The following DEPDC4 variants were observed in gnomAD, a reference collection of about 807,000 sequenced individuals.
The protein encoded by DEPDC4 is DEP domain containing 4.
DEPDC4 carries 52 observed loss-of-function variants against 52.0 expected under a neutral mutation model. That is an observed-to-expected ratio of 1.00 (90% confidence interval 0.80 to 1.26). The LOEUF is 1.26. Among genes scored for constraint, DEPDC4 ranks in the 50% most tolerant of loss-of-function variants. The pLI, the probability that DEPDC4 is intolerant of heterozygous loss-of-function variation, is 0.00. For missense variants in DEPDC4, 530 were observed against 546.9 expected (o/e 0.97, Z 0.31); for synonymous variants, 201 against 196.8 (o/e 1.02, Z -0.18).
Position 100,263,625 on chromosome 12 carries a change from GA to G in DEPDC4, c.425del (p.Phe142SerfsTer7), listed in dbSNP as rs1331286269. The G allele has an allele frequency of 4.3e-6, 7 of 1,612,602 alleles. No individual in the cohort carries two copies. The highest frequency in any genetic ancestry group is 5.9e-6 in the Non-Finnish European group (7 of 1,179,620). The stretch of plus-strand genomic sequence containing the variant: ...CAAATTCTAATTCCTTTTCTTTTTT[GA>G]AAAGCTTCTTCATTCCTACTGGTTC... ...VFEPVGMKKL[F>X]KKEKELEFED... On this transcript the variant is annotated frameshift_variant, in exon 2 of 10. Coordinates refer to ENST00000550587, the MANE Select transcript of DEPDC4 (RefSeq NM_001364818.2). LOFTEE classifies it high-confidence loss of function.
upstream of DEPDC4, among the ~76,000 whole-genome samples, chr12:100,271,278 A>AG: frequency 6.6e-6 from 1 of 151,044 alleles, no homozygotes; most frequent in Non-Finnish European, 1.5e-5. Flanking sequence ...AAAAAAAAAA[A>AG]AAAAGAGAGA....
chr12:100,252,573 T>A (rs1295354992), intron 5 of DEPDC4, 37 bp from the exon 6 acceptor site: 3 of 1,552,606 alleles, frequency 1.9e-6, no homozygotes, highest in African/African-American at 2.8e-5. Flanking sequence ...AAGCATAAGA[T>A]GAAAAATGGA....
chr12:100,252,917 T>C (rs1427985488), intron 5 of DEPDC4, among the ~76,000 whole-genome samples: 3 of 152,222 alleles, frequency 2.0e-5, no homozygotes, highest in Admixed American at 6.5e-5. Flanking sequence ...CTATAACATA[T>C]GTTTCTTTCT....
chr12:100,263,407 G>T, intron 2 of DEPDC4, 90 bp downstream of exon 2: 2 of 1,119,206 alleles, frequency 1.8e-6, no homozygotes, highest in Non-Finnish European at 2.4e-6. Context: ...ATTGGCTTCT[G>T]AAAAAAGTAC....
chr12:100,238,251 T>A, downstream of DEPDC4: 1 of 155,700 alleles, frequency 6.4e-6, no homozygotes, highest in Non-Finnish European at 1.4e-5. Context: ...CTCGGCAACA[T>A]CTGCCTCCCG....
At chr12:100,260,961 A>T (rs891107585) in intron 3 of DEPDC4, among the ~76,000 whole-genome samples, 21 of 152,240 alleles carry the variant, frequency 1.4e-4, no homozygotes, top group African/African-American at 4.8e-4. Context: ...TGGGTGGATC[A>T]CTTGAGGTCA....
At chr12:100,254,774 T>C (rs1592891094) in intron 4 of DEPDC4, among the ~76,000 whole-genome samples, 1 of 152,126 alleles carries the variant, frequency 6.6e-6, no homozygotes, top group Admixed American at 6.6e-5. Flanking sequence ...CTAGCTAGAG[T>C]GCAGTGACAT....
intron 7 of DEPDC4, among the ~76,000 whole-genome samples, 170 bp from the exon 8 acceptor site, chr12:100,249,148 A>C (rs199748154): frequency 6.6e-6 from 1 of 152,098 alleles, no homozygotes; most frequent in Non-Finnish European, 1.5e-5. Flanking sequence ...AATTCTTGAA[A>C]TTTTTTTAGC....
At chr12:100,270,623 C>CT (rs559329533), upstream of DEPDC4, among the ~76,000 whole-genome samples, 8,221 of 125,642 alleles carry the variant, frequency 0.065, 482 homozygotes, top group African/African-American at 0.18. Context: ...ATGTTGCTTT[C>CT]TTTTTTTTTT....
rs2096159463 is a variant in DEPDC4, at chr12:100,241,714, A to C, written c.*178T>G. The stretch of plus-strand genomic sequence containing the variant: ...TGGTGTTTTTGAAATTCCTTAATTA[A>C]TTTCTTTTTTCGTTTCAGAGAGATG... On this transcript the variant is annotated 3_prime_UTR_variant, in exon 10 of 10. Transcript: ENST00000550587. 7.9e-7 allele frequency: 1 copy of C among 1,261,898 alleles called. No homozygotes were observed. The highest frequency in any genetic ancestry group is 1.0e-6 in the Non-Finnish European group (1 of 977,188). The allele number at this position is 1,261,898 out of a possible 1,614,324, so 78.2% of individuals were successfully genotyped here.
At position 100,266,996 on chromosome 12, in the gene DEPDC4, G is replaced by A. The variant is rs116165919; in HGVS notation, c.81C>T (p.Asn27=). 2,546 of 1,614,082 alleles carry A rather than the reference G, an allele frequency of 1.6e-3. 41 individuals carry two copies. In the African/African-American group the frequency reaches 0.029, roughly 18 times the overall value. ...TPRFRRLVSQ[N]ELPGPGLNGP... ...CGTTCAGCCCTGGGCCCGGAAGCTCGTTCTGACTGACAAGTCTACGGAACC... is the reference window on the plus strand; with the variant it reads ...CGTTCAGCCCTGGGCCCGGAAGCTCATTCTGACTGACAAGTCTACGGAACC... The change falls in exon 1 of 10, where the codon AAC becomes AAT. Residue 27 remains asparagine, a synonymous_variant. Transcript: ENST00000550587.
At chr12:100,272,278 C>T in the DEPDC4 span, among the ~76,000 whole-genome samples, 1 of 151,928 alleles carries the variant, frequency 6.6e-6, no homozygotes, top group East Asian at 1.9e-4. Context: ...CTTTTTTCTT[C>T]ATTAATCAAA....
the DEPDC4 span, among the ~76,000 whole-genome samples, chr12:100,281,455 C>T: frequency 6.6e-6 from 1 of 152,036 alleles, no homozygotes; most frequent in Admixed American, 6.6e-5. Context: ...CTTTGGGAGA[C>T]CAAGATGGGA....
chr12:100,252,812 T>C (rs901116858), intron 5 of DEPDC4, among the ~76,000 whole-genome samples: 2 of 152,204 alleles, frequency 1.3e-5, no homozygotes, highest in Non-Finnish European at 2.9e-5. Context: ...AAAAATGACA[T>C]ATTATGTCAC....
chr12:100,264,725 A>G (rs2096265625), intron 1 of DEPDC4, among the ~76,000 whole-genome samples: 1 of 152,046 alleles, frequency 6.6e-6, no homozygotes, highest in Non-Finnish European at 1.5e-5. Context: ...TCACATACCC[A>G]CTTGAGCTGA....
At chr12:100,269,226 C>T (rs1247344047), upstream of DEPDC4, among the ~76,000 whole-genome samples, 4 of 152,140 alleles carry the variant, frequency 2.6e-5, no homozygotes, top group Admixed American at 2.0e-4. Flanking sequence ...TGCTTTCTGA[C>T]ATTCCCTTTC....
upstream of DEPDC4, among the ~76,000 whole-genome samples, chr12:100,271,577 T>C (rs2096287760): frequency 1.3e-5 from 2 of 152,228 alleles, no homozygotes; most frequent in South Asian, 4.1e-4. Context: ...TTTCTTTGTT[T>C]TATATTGTTG....
At chr12:100,254,319 CTTTTTTTT>C (rs67921438) in intron 4 of DEPDC4, among the ~76,000 whole-genome samples, 1 of 89,438 alleles carries the variant, frequency 1.1e-5, no homozygotes, top group African/African-American at 5.2e-5. Context: ...TTTTTTTTGA[CTTTTTTTT>C]TTTTTTTTTT....
At chr12:100,269,939 C>A (rs1488277537), upstream of DEPDC4, among the ~76,000 whole-genome samples, 1 of 151,210 alleles carries the variant, frequency 6.6e-6, no homozygotes, top group Non-Finnish European at 1.5e-5. Flanking sequence ...TTAGACAGTA[C>A]TTGTGTTTTA....
Sources: gnomAD v4.1 joint callset for allele counts (sites outside exome capture counted in the v4.1 genomes callset) on GRCh38, gnomAD v4.1.1 for gene constraint, MANE v1.5 for transcripts, NCBI Gene and HGNC (gene_info 2026-07-23, HGNC 2026-07-21) for gene names.